The following HS6ST3 variants were observed in gnomAD, a reference collection of about 807,000 sequenced individuals.
HS6ST3 encodes heparan-sulfate 6-O-sulfotransferase 3.
HS6ST3 carries 12 observed loss-of-function variants against 36.7 expected under a neutral mutation model. The observed-to-expected ratio is 0.33, with a 90% CI of 0.21 to 0.53. The LOEUF (loss-of-function observed/expected upper bound fraction) is 0.53. Among genes scored for constraint, HS6ST3 ranks in the 20% least tolerant of loss-of-function variants. The pLI is 0.95. For missense variants in HS6ST3, 584 were observed against 640.9 expected, an observed-to-expected ratio of 0.91 and a Z score of 0.96; for synonymous variants, 240 against 257.5, an observed-to-expected ratio of 0.93 and a Z score of 0.65.
At chr13:96,661,768 A>T (rs1342924632) in intron 1 of HS6ST3, among the ~76,000 whole-genome samples, 1 of 152,092 alleles carries the variant, frequency 6.6e-6, no homozygotes, top group Non-Finnish European at 1.5e-5. Context: ...TGCCTATGGC[A>T]TTCCTTGTGG....
chr13:96,197,523 A>T (rs1361278617), intron 1 of HS6ST3, among the ~76,000 whole-genome samples: 1 of 152,146 alleles, frequency 6.6e-6, no homozygotes, highest in African/African-American at 2.4e-5. Context: ...CCTTCCCAAC[A>T]GTCCCCCAAA....
At chr13:96,328,435 T>C (rs1018482028) in intron 1 of HS6ST3, among the ~76,000 whole-genome samples, 3 of 152,118 alleles carry the variant, frequency 2.0e-5, no homozygotes, top group Admixed American at 6.5e-5. Context: ...TCTATTGAGA[T>C]AATCATGTGG....
At chr13:96,665,698 C>G (rs377247595) in intron 1 of HS6ST3, among the ~76,000 whole-genome samples, 1 of 152,122 alleles carries the variant, frequency 6.6e-6, no homozygotes, top group East Asian at 1.9e-4. Context: ...AGCTCTGCCA[C>G]TGGCTTTGTG....
chr13:96,797,103 G>A (rs1263769650), intron 1 of HS6ST3, among the ~76,000 whole-genome samples: 1 of 152,118 alleles, frequency 6.6e-6, no homozygotes, highest in Admixed American at 6.6e-5. Context: ...AAGAGATCCA[G>A]TTGGATGATC....
chr13:96,267,894 C>G (rs1011061381), intron 1 of HS6ST3, among the ~76,000 whole-genome samples: 1 of 151,858 alleles, frequency 6.6e-6, no homozygotes, highest in African/African-American at 2.4e-5. Flanking sequence ...AAGGACTAAA[C>G]ATGGAACAGA....
intron 1 of HS6ST3, among the ~76,000 whole-genome samples, chr13:96,799,178 A>G (rs2138525935): frequency 6.6e-6 from 1 of 152,126 alleles, no homozygotes; most frequent in East Asian, 1.9e-4. Context: ...TCCCTGAGGA[A>G]TTGCCACACT....
At chr13:96,252,189 A>T (rs2054610974) in intron 1 of HS6ST3, among the ~76,000 whole-genome samples, 1 of 152,166 alleles carries the variant, frequency 6.6e-6, no homozygotes, top group Non-Finnish European at 1.5e-5. Context: ...TCTGCTTTAT[A>T]ATATTTAAGT....
Position 96,828,584 on chromosome 13 carries a change from C to T in HS6ST3, c.708-3906C>T, listed in dbSNP as rs187402661. Among the ~76,000 whole-genome samples the T allele has an allele frequency of 3.3e-5, 5 of 152,222 alleles. No individual in the cohort carries two copies. In the East Asian group the frequency reaches 7.7e-4, roughly 24 times the overall value. On this transcript the variant is annotated intron_variant, in intron 1 of 1. Coordinates refer to ENST00000376705, the MANE Select transcript of HS6ST3 (RefSeq NM_153456.4). ...TTACTACCAAGATAATCTTGGGCAG[C>T]TTATTTTATCTCCCCAAATCCTTAG...
chr13:96,562,992 C>T (rs2056267899), intron 1 of HS6ST3, among the ~76,000 whole-genome samples: 1 of 151,074 alleles, frequency 6.6e-6, no homozygotes, highest in South Asian at 2.1e-4. Context: ...GAAGGCTGCT[C>T]CCTGAAAGTA....
Position 96,323,151 on chromosome 13 carries a change from T to C in HS6ST3, c.707+231582T>C, listed in dbSNP as rs533056253. On this transcript the variant is annotated intron_variant, in intron 1 of 1. Transcript: ENST00000376705. Reference sequence around the variant, plus strand: ...CCCCAGCCTACATATCTTTCCCTCATGATTAATATATCGAATTGCATATAT... The same window carrying C: ...CCCCAGCCTACATATCTTTCCCTCACGATTAATATATCGAATTGCATATAT... Among the ~76,000 whole-genome samples the C allele has an allele frequency of 2.7e-4, 41 of 152,314 alleles. No homozygotes were observed. The South Asian group carries it at 8.1e-3, about 30-fold the overall frequency.
chr13:96,251,749 T>A (rs761232565), intron 1 of HS6ST3, among the ~76,000 whole-genome samples: 8 of 152,138 alleles, frequency 5.3e-5, no homozygotes, highest in Non-Finnish European at 1.2e-4. Context: ...TGGTATGTTT[T>A]ATTTTTATTT....
rs1233333198 is a variant in HS6ST3 at position 96,556,908 on chromosome 13, T to C, written c.708-275582T>C. Among the ~76,000 whole-genome samples the C allele has an allele frequency of 2.0e-5, 3 of 152,210 alleles. No homozygotes were observed. In the East Asian group the frequency reaches 5.8e-4, roughly 29 times the overall value. On this transcript the variant is annotated intron_variant, in intron 1 of 1. Coordinates refer to ENST00000376705, the MANE Select transcript of HS6ST3 (RefSeq NM_153456.4). Reference sequence around the variant, plus strand: ...TGTATAATCATGGCTCAGGATATTTTGGCTGCCCTCATTTTTGTCAGCAGC... The same window carrying C: ...TGTATAATCATGGCTCAGGATATTTCGGCTGCCCTCATTTTTGTCAGCAGC...
intron 1 of HS6ST3, among the ~76,000 whole-genome samples, chr13:96,828,601 A>T (rs1269777552): frequency 1.3e-5 from 2 of 152,262 alleles, no homozygotes; most frequent in East Asian, 3.9e-4. Flanking sequence ...TATCTCCCCA[A>T]ATCCTTAGTT....
chr13:96,196,823 A>G (rs745976112), intron 1 of HS6ST3, among the ~76,000 whole-genome samples: 6 of 152,220 alleles, frequency 3.9e-5, no homozygotes, highest in Non-Finnish European at 7.3e-5. Context: ...TTAGCTACTG[A>G]TATTGCCATA....
At chr13:96,818,254 TATTA>T in intron 1 of HS6ST3, among the ~76,000 whole-genome samples, 1 of 152,364 alleles carries the variant, frequency 6.6e-6, no homozygotes, top group African/African-American at 2.4e-5. Flanking sequence ...GTCGTTGCTT[TATTA>T]ATTAGGCAGA....
chr13:96,822,446 C>G (rs545401951), intron 1 of HS6ST3, among the ~76,000 whole-genome samples: 23 of 152,270 alleles, frequency 1.5e-4, no homozygotes, highest in Non-Finnish European at 2.9e-4. Flanking sequence ...AACATGCATT[C>G]CCTGAAATTT....
intron 1 of HS6ST3, among the ~76,000 whole-genome samples, chr13:96,382,003 A>G (rs2055343858): frequency 1.3e-5 from 2 of 152,246 alleles, no homozygotes; most frequent in South Asian, 4.1e-4. Context: ...GCTTGGTAGT[A>G]TCAAGAAGGC....
chr13:96,296,095 C>T (rs971376980), intron 1 of HS6ST3, among the ~76,000 whole-genome samples: 1 of 152,094 alleles, frequency 6.6e-6, no homozygotes, highest in East Asian at 1.9e-4. Flanking sequence ...TTTGCATTCG[C>T]ACTAGCCACA....
chr13:96,662,026 G>A (rs571784276), intron 1 of HS6ST3, among the ~76,000 whole-genome samples: 1 of 152,114 alleles, frequency 6.6e-6, no homozygotes, highest in East Asian at 1.9e-4. Context: ...CTGATTTTAG[G>A]ATTTTTTCCT....
Sources: allele counts gnomAD v4.1 joint callset (sites outside exome capture counted in the v4.1 genomes callset), GRCh38; gene constraint gnomAD v4.1.1; transcripts MANE v1.5; gene names NCBI Gene and HGNC (gene_info 2026-07-23, HGNC 2026-07-21).